The following EML1 variants were observed in gnomAD, a reference collection of about 807,000 sequenced individuals.
EML1 encodes echinoderm microtubule-associated protein-like 1.
A neutral mutation model predicts 110.4 loss-of-function variants in EML1; 27 were observed. The observed-to-expected ratio is 0.24, with a 90% CI of 0.18 to 0.34. The LOEUF (loss-of-function observed/expected upper bound fraction) is 0.34. EML1 is among the 10% of genes least tolerant of loss of function. EML1 has a pLI of 1.00. For synonymous variants in EML1, 344 were observed against 385.8 expected (o/e 0.89, Z 1.27); for missense variants, 741 against 1,030.9 (o/e 0.72, Z 3.85).
At chr14:99,902,725 G>A (rs1192039802) in intron 9 of EML1, among the ~76,000 whole-genome samples, 3 of 152,184 alleles carry the variant, frequency 2.0e-5, no homozygotes, top group Admixed American at 6.5e-5. Context: ...CCAGCCATAG[G>A]TTTATATTCT....
At chr14:99,753,703 G>A (rs1450799242) in intron 1 of EML1, among the ~76,000 whole-genome samples, 1 of 152,184 alleles carries the variant, frequency 6.6e-6, no homozygotes, top group African/African-American at 2.4e-5. Context: ...CCCAGCCCTG[G>A]CACATAGTAG....
At chr14:99,879,325 A>G (rs1002456192) in intron 4 of EML1, among the ~76,000 whole-genome samples, 1 of 152,096 alleles carries the variant, frequency 6.6e-6, no homozygotes, top group Non-Finnish European at 1.5e-5. Context: ...TTCTCTATGT[A>G]TTTTTACCTA....
intron 4 of EML1, among the ~76,000 whole-genome samples, chr14:99,879,763 G>A (rs1259051351): frequency 6.6e-6 from 1 of 152,118 alleles, no homozygotes; most frequent in East Asian, 1.9e-4. Flanking sequence ...TTGGAAATGA[G>A]GCCAAGTGGT....
intron 1 of EML1, among the ~76,000 whole-genome samples, chr14:99,815,128 G>A (rs541933604): frequency 1.4e-5 from 2 of 144,976 alleles, no homozygotes; most frequent in South Asian, 4.3e-4. Flanking sequence ...ACTGGGATCT[G>A]TGAGGCTTGG....
rs147459741 is a variant in EML1, at chr14:99,915,740, T to C, written c.1752+1043T>C. On this transcript the variant is annotated intron_variant, in intron 15 of 21. Coordinates refer to ENST00000262233, the MANE Select transcript of EML1 (RefSeq NM_004434.3). ...ACTCCTAAACTCTGGTTCTTTCCAC[T>C]GCATTGCACTGCAGCGAATCGGAAG... Among the ~76,000 whole-genome samples, 248 of 152,346 alleles carry C rather than the reference T, an allele frequency of 1.6e-3. 2 individuals are homozygous for C. The highest frequency in any genetic ancestry group is 5.8e-3 in the African/African-American group (242 of 41,584).
rs187838133 is a variant in EML1 at position 99,929,409 on chromosome 14, C to T, written c.1910-6620C>T. ...TCAGTAACAGCAGCAGTGATGGCCC[C>T]TGGAACAGCACCCAGATGGTGGACT... is the stretch of plus-strand genomic sequence containing the variant. On this transcript the variant is annotated intron_variant, in intron 17 of 21. Coordinates refer to ENST00000262233, the MANE Select transcript of EML1 (RefSeq NM_004434.3). Among the ~76,000 whole-genome samples the T allele has an allele frequency of 2.1e-3, 313 of 152,306 alleles. 2 individuals are homozygous for T. Among genetic ancestry groups the T allele is most frequent in the African/African-American group, 7.0e-3 (292 of 41,574 alleles).
At chr14:99,848,059 A>AT (rs2058733608) in intron 1 of EML1, among the ~76,000 whole-genome samples, 1 of 151,876 alleles carries the variant, frequency 6.6e-6, no homozygotes, top group Non-Finnish European at 1.5e-5. Context: ...TTAGCATTTT[A>AT]TTTTTTGTTT....
intron 1 of EML1, among the ~76,000 whole-genome samples, chr14:99,801,478 G>A (rs971838137): frequency 1.3e-5 from 2 of 152,288 alleles, no homozygotes; most frequent in East Asian, 1.9e-4. Flanking sequence ...AGCCGGGCGT[G>A]GTGGCGGGCG....
At chr14:99,770,658 G>C (rs1477488412), upstream of EML1, among the ~76,000 whole-genome samples, 3 of 152,052 alleles carry the variant, frequency 2.0e-5, no homozygotes, top group Non-Finnish European at 4.4e-5. Context: ...CTATCACCTG[G>C]CGAAGTAACA....
At chr14:99,890,065 T>C (rs1012990603) in intron 4 of EML1, among the ~76,000 whole-genome samples, 4 of 152,206 alleles carry the variant, frequency 2.6e-5, no homozygotes, top group African/African-American at 7.2e-5. Context: ...CTGGTGTTTT[T>C]CATTGTGTTT....
chr14:99,765,023 A>C (rs1312719994), intron 1 of EML1, among the ~76,000 whole-genome samples: 1 of 152,172 alleles, frequency 6.6e-6, no homozygotes, highest in East Asian at 1.9e-4. Context: ...CTGCAGCCTC[A>C]ACCTCCTGGG....
At position 99,793,559 on chromosome 14, in the gene EML1, G is replaced by C; in HGVS notation, c.67+16G>C. The C allele has an allele frequency of 9.8e-7, 1 of 1,016,038 alleles. No homozygotes were observed. The highest frequency in any genetic ancestry group is 1.2e-6 in the Non-Finnish European group (1 of 848,332). 62.9% of individuals were successfully genotyped at this position (1,016,038 alleles called of 1,614,324 possible). On this transcript the variant is annotated intron_variant, in intron 1 of 21. Coordinates refer to ENST00000262233, the MANE Select transcript of EML1 (RefSeq NM_004434.3). Reference sequence around the variant, plus strand: ...TTCTGCAACGGTGAGGGGCGGCCGCGCGGGGCCGGGGCGGCGAGCGGCTGG... The same window carrying C: ...TTCTGCAACGGTGAGGGGCGGCCGCCCGGGGCCGGGGCGGCGAGCGGCTGG...
At chr14:99,935,976 G>A (rs774181588) in intron 17 of EML1, 53 bp from the exon 18 acceptor site, 115 of 1,546,698 alleles carry the variant, frequency 7.4e-5, no homozygotes, top group Admixed American at 1.2e-4. Context: ...CCTTTGTAAC[G>A]AACAAAATGT....
chr14:99,818,704 G>A (rs960030455), intron 1 of EML1, among the ~76,000 whole-genome samples: 3 of 147,750 alleles, frequency 2.0e-5, no homozygotes, highest in East Asian at 4.1e-4. Flanking sequence ...AGTGTAGGTC[G>A]TGGTTGAGGG....
chr14:99,793,560 C>T lies in EML1; in HGVS notation c.67+17C>T, dbSNP rs1349228775. The T allele has an allele frequency of 9.9e-7, 1 of 1,010,956 alleles. No homozygotes were observed. Among genetic ancestry groups the T allele is most frequent in the Non-Finnish European group, 1.2e-6 (1 of 845,310 alleles). The allele number at this position is 1,010,956 out of a possible 1,614,324, so 62.6% of individuals were successfully genotyped here. On this transcript the variant is annotated intron_variant, in intron 1 of 21. Transcript: ENST00000262233. ...TCTGCAACGGTGAGGGGCGGCCGCG[C>T]GGGGCCGGGGCGGCGAGCGGCTGGT...
At chr14:99,782,719 A>AC (rs1447358970) in intron 1 of EML1, among the ~76,000 whole-genome samples, 14 of 151,692 alleles carry the variant, frequency 9.2e-5, no homozygotes, top group Non-Finnish European at 1.8e-4. Flanking sequence ...GAGTTACCGG[A>AC]CCCCCCATTA....
At position 99,914,548 on chromosome 14, in the gene EML1, T is replaced by C. The variant is rs2060001553; in HGVS notation, c.1621-18T>C. 1 of 1,579,622 alleles carries C rather than the reference T, an allele frequency of 6.3e-7. No individual in the cohort carries two copies. The highest frequency in any genetic ancestry group is 8.6e-7 in the Non-Finnish European group (1 of 1,169,088). ...TGTAGTATCTCAGAGCGCTTCTGTT[T>C]GTCTTGGTTATTTGTAGGGTCACAC... is the stretch of plus-strand genomic sequence containing the variant. On this transcript the variant is annotated intron_variant, in intron 14 of 21. Transcript: ENST00000262233.
chr14:99,901,831 C>A (rs2140021806), intron 9 of EML1, among the ~76,000 whole-genome samples: 1 of 152,296 alleles, frequency 6.6e-6, no homozygotes, highest in Admixed American at 6.5e-5. Context: ...ATTCTGTGAC[C>A]TAGAATGCCT....
intron 1 of EML1, among the ~76,000 whole-genome samples, chr14:99,780,240 G>T (rs1419764083): frequency 2.6e-5 from 4 of 152,026 alleles, no homozygotes; most frequent in Admixed American, 6.5e-5. Flanking sequence ...TGGGGGTTGG[G>T]TTTTCAGTGT....
Sources: gnomAD v4.1 joint callset for allele counts (sites outside exome capture counted in the v4.1 genomes callset) on GRCh38, gnomAD v4.1.1 for gene constraint, MANE v1.5 for transcripts, NCBI Gene and HGNC (gene_info 2026-07-23, HGNC 2026-07-21) for gene names.